Variants in CYFIP1 observed in about 807,000 individuals in gnomAD.
CYFIP1 encodes cytoplasmic FMR1-interacting protein 1.
In CYFIP1, 58 loss-of-function variants were observed where a neutral mutation model predicts 163.5. The ratio of observed to expected loss-of-function variants is 0.35; its 90% CI spans 0.29 to 0.44. The LOEUF is 0.44. Ranked by LOEUF, CYFIP1 falls within the 20% of genes least tolerant of loss-of-function variation. The pLI, the probability that CYFIP1 is intolerant of heterozygous loss-of-function variation, is 1.00. For synonymous variants in CYFIP1, 663 were observed against 660.7 expected, an observed-to-expected ratio of 1.00 and a Z score of -0.05; for missense variants, 1,338 against 1,653.8, an observed-to-expected ratio of 0.81 and a Z score of 3.31.
intron 12 of CYFIP1, 52 bp from the exon 13 acceptor site, chr15:22,926,159 G>GCTT (rs2061350765): frequency 6.2e-6 from 10 of 1,609,918 alleles, no homozygotes; most frequent in Non-Finnish European, 8.5e-6. Context: ...AAAACGCCTG[G>GCTT]CTTCTGGTCT....
chr15:22,904,789 C>T (rs2060514803), intron 21 of CYFIP1: 1 of 152,146 alleles, frequency 6.6e-6, no homozygotes, highest in African/African-American at 2.4e-5. Context: ...AAAAGGCCGC[C>T]ACAGGTCTGT....
At chr15:22,887,941 C>T (rs1041425744) in intron 23 of CYFIP1, among the ~76,000 whole-genome samples, 3 of 152,112 alleles carry the variant, frequency 2.0e-5, no homozygotes, top group African/African-American at 4.8e-5. Flanking sequence ...GCTCTGGACT[C>T]GCCAGTCGTG....
intron 1 of CYFIP1, 104 bp from the exon 2 acceptor site, chr15:22,947,395 G>A (rs1173858287): frequency 1.6e-5 from 24 of 1,480,794 alleles, no homozygotes; most frequent in South Asian, 3.9e-5. Flanking sequence ...CCGCTCTCCC[G>A]AGGGCACCGG....
intron 17 of CYFIP1, among the ~76,000 whole-genome samples, chr15:22,912,723 G>C (rs2060827745): frequency 6.6e-6 from 1 of 152,144 alleles, no homozygotes; most frequent in African/African-American, 2.4e-5. Context: ...AGGAGTTCAA[G>C]ACCAGCCTGG....
intron 1 of CYFIP1, among the ~76,000 whole-genome samples, chr15:22,969,918 T>C (rs2063034220): frequency 1.3e-5 from 2 of 152,130 alleles, no homozygotes; most frequent in Admixed American, 1.3e-4. Flanking sequence ...CTACAAACAT[T>C]ATGATAAAAA....
chr15:22,912,068 G>T, intron 18 of CYFIP1, 111 bp downstream of exon 18: 2 of 979,720 alleles, frequency 2.0e-6, no homozygotes, highest in Non-Finnish European at 3.0e-6. Context: ...CTTGCTTCGT[G>T]GTTTATACTG....
chr15:22,904,225 C>G, intron 21 of CYFIP1: 1 of 432,348 alleles, frequency 2.3e-6, no homozygotes, highest in Non-Finnish European at 4.3e-6. Context: ...TGAGCCCCGG[C>G]CCTGCCCTGC....
intron 23 of CYFIP1, among the ~76,000 whole-genome samples, chr15:22,889,189 A>T (rs544426440): frequency 4.7e-4 from 72 of 152,004 alleles, no homozygotes; most frequent in Non-Finnish European, 8.2e-4. Flanking sequence ...AGTTGAATTT[A>T]AAAAAAAATC....
chr15:22,889,485 C>T (rs1345847876), intron 23 of CYFIP1, among the ~76,000 whole-genome samples: 2 of 152,226 alleles, frequency 1.3e-5, no homozygotes, highest in Non-Finnish European at 2.9e-5. Flanking sequence ...TTTAACACCA[C>T]AAAGGGCACA....
At chr15:22,942,480 G>A (rs12909217) in intron 6 of CYFIP1, among the ~76,000 whole-genome samples, 15,836 of 151,368 alleles carry the variant, frequency 0.1, 1,155 homozygotes, top group Non-Finnish European at 0.15. Context: ...AAGTGTCACC[G>A]AACGCCGGTC....
At chr15:22,951,479 T>C in intron 1 of CYFIP1, 1 of 1,289,018 alleles carries the variant, frequency 7.8e-7, no homozygotes, top group East Asian at 5.6e-5. Flanking sequence ...GTGATGCCGC[T>C]CGGAGGGGCC....
intron 26 of CYFIP1, among the ~76,000 whole-genome samples, chr15:22,878,956 G>A (rs1281774308): frequency 6.6e-6 from 1 of 152,062 alleles, no homozygotes; most frequent in East Asian, 1.9e-4. Context: ...CTAACACGGT[G>A]AAACCCCGTC....
chr15:22,954,950 C>T (rs1429741839), intron 1 of CYFIP1, among the ~76,000 whole-genome samples: 2 of 152,172 alleles, frequency 1.3e-5, no homozygotes, highest in African/African-American at 4.8e-5. Flanking sequence ...GGGCAGTTTA[C>T]AGAGTGAGCA....
chr15:22,954,925 CT>C (rs888101676), intron 1 of CYFIP1, among the ~76,000 whole-genome samples: 3 of 152,196 alleles, frequency 2.0e-5, no homozygotes, highest in African/African-American at 7.2e-5. Context: ...TGCACCTCTG[CT>C]CTAGGCAGCT....
intron 9 of CYFIP1, 105 bp downstream of exon 9, chr15:22,936,999 C>T: frequency 1.3e-6 from 1 of 764,408 alleles, no homozygotes; most frequent in South Asian, 1.6e-5. Flanking sequence ...CCACCCAGCC[C>T]CAGCGTTTCC....
intron 1 of CYFIP1, chr15:22,947,988 A>G (rs7162998): frequency 0.26 from 258,097 of 981,528 alleles, 36,169 homozygotes; most frequent in East Asian, 0.48. Flanking sequence ...ACTCAGGAGG[A>G]GCTCTGCCCT....
At chr15:22,916,931 G>A (rs2061006362) in intron 15 of CYFIP1, 2 of 1,551,642 alleles carry the variant, frequency 1.3e-6, no homozygotes, top group South Asian at 1.2e-5. Context: ...TCAGAAACGT[G>A]TTAACCGCAT....
At position 22,917,119 on chromosome 15, in the gene CYFIP1, G is replaced by A; in HGVS notation, c.1675-489C>T. The stretch of plus-strand genomic sequence containing the variant: ...CAGGCAGGGACACGGGACGCACGCA[G>A]AGGGAGGCAGGGAGGGTGGCTGGCA... On this transcript the variant is annotated intron_variant, in intron 15 of 30. Transcript: ENST00000617928. The surrounding 1 kb of genome is among the most constrained non-coding windows in gnomAD (Gnocchi z 4.2). 1 of 1,449,578 alleles carries A rather than the reference G, an allele frequency of 6.9e-7. No individual in the cohort carries two copies. Among genetic ancestry groups the A allele is most frequent in the South Asian group, 1.5e-5 (1 of 67,924 alleles). The allele number at this position is 1,449,578 out of a possible 1,614,324, so 89.8% of individuals were successfully genotyped here.
At chr15:22,899,255 G>C (rs1478460990) in intron 22 of CYFIP1, among the ~76,000 whole-genome samples, 2 of 152,286 alleles carry the variant, frequency 1.3e-5, no homozygotes, top group African/African-American at 4.8e-5. Flanking sequence ...AAAAGGGAAA[G>C]AGAGAAGACT....
Sources: allele counts gnomAD v4.1 joint callset (sites outside exome capture counted in the v4.1 genomes callset), GRCh38; gene constraint gnomAD v4.1.1; non-coding constraint Gnocchi (gnomAD v3.1); transcripts MANE v1.5; gene names NCBI Gene and HGNC (gene_info 2026-07-23, HGNC 2026-07-21).